PDE11A: variants seen among roughly 807,000 people sequenced by gnomAD.
PDE11A encodes phosphodiesterase 11A, also known as dual 3',5'-cyclic-AMP and -GMP phosphodiesterase 11A.
Under a neutral mutation model 100.5 loss-of-function variants are expected in PDE11A, and 100 were observed. The observed-to-expected ratio is 1.00, with a 90% confidence interval of 0.85 to 1.18. PDE11A has a LOEUF of 1.18. PDE11A is among the 50% of genes most tolerant of loss of function. The pLI, the probability that PDE11A is intolerant of heterozygous loss-of-function variation, is 0.00. For missense variants in PDE11A, 1,141 were observed against 1,152.6 expected, an observed-to-expected ratio of 0.99 and a Z score of 0.15; for synonymous variants, 381 against 420.8, an observed-to-expected ratio of 0.91 and a Z score of 1.16.
chr2:177,678,007 G>A (rs190986321), intron 16 of PDE11A: 1 of 152,280 alleles, frequency 6.6e-6, no homozygotes, highest in Admixed American at 6.5e-5. Flanking sequence ...TATTCAAATT[G>A]AGTACAAAGA....
At chr2:178,040,872 C>A (rs927690857) in intron 1 of PDE11A, among the ~76,000 whole-genome samples, 1 of 152,220 alleles carries the variant, frequency 6.6e-6, no homozygotes, top group African/African-American at 2.4e-5. Flanking sequence ...CTGACATGCA[C>A]GTAATTTAAA....
intron 15 of PDE11A, among the ~76,000 whole-genome samples, chr2:177,683,884 T>C (rs934897814): frequency 8.5e-5 from 13 of 152,180 alleles, no homozygotes; most frequent in Non-Finnish European, 1.5e-4. Flanking sequence ...TGATCTTGGG[T>C]GAGTAATTTC....
At chr2:177,914,035 G>A (rs1336778089) in intron 2 of PDE11A, among the ~76,000 whole-genome samples, 1 of 152,042 alleles carries the variant, frequency 6.6e-6, no homozygotes, top group Non-Finnish European at 1.5e-5. Flanking sequence ...ACAACACTGG[G>A]TATTACCATT....
chr2:177,740,450 T>C (rs988036248), intron 10 of PDE11A, among the ~76,000 whole-genome samples: 1 of 152,234 alleles, frequency 6.6e-6, no homozygotes, highest in African/African-American at 2.4e-5. Flanking sequence ...AAGTGCTTTA[T>C]AGTATTCCAT....
At chr2:177,808,017 A>G (rs2082898754) in intron 9 of PDE11A, among the ~76,000 whole-genome samples, 1 of 152,226 alleles carries the variant, frequency 6.6e-6, no homozygotes, top group Non-Finnish European at 1.5e-5. Context: ...GTTTGTTAGA[A>G]AATACTTTAA....
In PDE11A at chr2:177,932,750, A is replaced by G. The variant is rs193174354; in HGVS notation, c.1072-27563T>C. On this transcript the variant is annotated intron_variant, in intron 2 of 19. Transcript: ENST00000286063. ...ACTGGAAGCATTCCTCTTGAGAACT[A>G]GAATAAGACAAGGATCCCCACTCTC... Among the ~76,000 whole-genome samples, 15 of 152,142 alleles carry G rather than the reference A, an allele frequency of 9.9e-5. No individual in the cohort carries two copies. In the East Asian group the frequency reaches 2.1e-3, roughly 22 times the overall value.
At chr2:178,046,890 G>T (rs2086758451) in intron 1 of PDE11A, among the ~76,000 whole-genome samples, 1 of 152,184 alleles carries the variant, frequency 6.6e-6, no homozygotes, top group African/African-American at 2.4e-5. Context: ...ATCTTGAGGT[G>T]CATAGAACTA....
intron 4 of PDE11A, among the ~76,000 whole-genome samples, chr2:177,885,432 C>T (rs1011384386): frequency 1.2e-4 from 18 of 152,042 alleles, no homozygotes; most frequent in Admixed American, 1.2e-3. Context: ...GGTATCCATG[C>T]GCTGTCCTGG....
At chr2:177,859,813 AG>A (rs2083914305) in intron 5 of PDE11A, among the ~76,000 whole-genome samples, 1 of 152,032 alleles carries the variant, frequency 6.6e-6, no homozygotes, top group South Asian at 2.1e-4. Context: ...ATAACCAAAA[AG>A]TTTGGGAAAT....
intron 9 of PDE11A, among the ~76,000 whole-genome samples, chr2:177,808,676 C>T (rs1192472572): frequency 6.6e-6 from 1 of 152,130 alleles, no homozygotes; most frequent in African/African-American, 2.4e-5. Context: ...GACATGCTAG[C>T]AGACACTGGT....
intron 10 of PDE11A, among the ~76,000 whole-genome samples, chr2:177,741,310 C>A (rs1375802862): frequency 6.6e-6 from 1 of 152,146 alleles, no homozygotes; most frequent in African/African-American, 2.4e-5. Context: ...GTGTCTTTTC[C>A]TCTTCTTGTA....
chr2:177,955,952 A>C (rs1034376604), intron 2 of PDE11A, among the ~76,000 whole-genome samples: 1 of 152,232 alleles, frequency 6.6e-6, no homozygotes, highest in African/African-American at 2.4e-5. Flanking sequence ...AAAACCATAA[A>C]AACCCTAGAA....
chr2:177,889,520 T>C (rs1395723147), intron 4 of PDE11A, among the ~76,000 whole-genome samples: 1 of 152,276 alleles, frequency 6.6e-6, no homozygotes, highest in South Asian at 2.1e-4. Flanking sequence ...ATGTTCTCTT[T>C]AGAGTTGCCC....
At chr2:177,780,275 G>A (rs1047547766) in intron 9 of PDE11A, among the ~76,000 whole-genome samples, 4 of 151,966 alleles carry the variant, frequency 2.6e-5, no homozygotes, top group African/African-American at 9.7e-5. Context: ...TTTTAGACAG[G>A]GAATCTCACT....
chr2:178,103,644 A>G (rs924786821), intron 2 of PDE11A, among the ~76,000 whole-genome samples: 10 of 151,870 alleles, frequency 6.6e-5, no homozygotes, highest in African/African-American at 9.7e-5. Context: ...ATAGAGTTAT[A>G]CCCTATTTTG....
intron 2 of PDE11A, among the ~76,000 whole-genome samples, chr2:177,923,056 C>G (rs1177457075): frequency 6.6e-6 from 1 of 152,160 alleles, no homozygotes; most frequent in Non-Finnish European, 1.5e-5. Context: ...CCTCATTCCA[C>G]CAAAGAAATG....
chr2:178,105,826 G>T, intron 1 of PDE11A: 1 of 547,436 alleles, frequency 1.8e-6, no homozygotes, highest in Non-Finnish European at 2.7e-6. Context: ...ACCTTGGCCA[G>T]ATTTCTGCAA....
At chr2:177,679,851 G>A (rs933513928) in intron 16 of PDE11A, among the ~76,000 whole-genome samples, 8 of 152,008 alleles carry the variant, frequency 5.3e-5, no homozygotes, top group African/African-American at 1.9e-4. Flanking sequence ...GGAGGTGGAA[G>A]GAATGGAATT....
At chr2:177,642,809 G>C (rs2080162614) in intron 19 of PDE11A, among the ~76,000 whole-genome samples, 2 of 152,150 alleles carry the variant, frequency 1.3e-5, no homozygotes, top group South Asian at 4.1e-4. Context: ...TTTTAGACGT[G>C]ACATGTCATG....
Sources: allele counts gnomAD v4.1 joint callset (sites outside exome capture counted in the v4.1 genomes callset), GRCh38; gene constraint gnomAD v4.1.1; transcripts MANE v1.5; gene names NCBI Gene and HGNC (gene_info 2026-07-23, HGNC 2026-07-21).